ARHGAP26: variants seen among roughly 807,000 people sequenced by gnomAD.
The protein encoded by ARHGAP26 is rho GTPase-activating protein 26.
In ARHGAP26, 38 loss-of-function variants were observed where a neutral mutation model predicts 104.8. The observed-to-expected ratio is 0.36, with a 90% confidence interval of 0.28 to 0.48. The LOEUF is 0.48. Ranked by LOEUF, ARHGAP26 falls within the 20% of genes least tolerant of loss-of-function variation. ARHGAP26 has a pLI of 0.99. For synonymous variants in ARHGAP26, 341 were observed against 340.0 expected, an observed-to-expected ratio of 1.00 and a Z score of -0.03; for missense variants, 704 against 947.9, an observed-to-expected ratio of 0.74 and a Z score of 3.38.
At chr5:142,852,455 C>T (rs1328000126) in intron 1 of ARHGAP26, among the ~76,000 whole-genome samples, 3 of 152,330 alleles carry the variant, frequency 2.0e-5, no homozygotes, top group Middle Eastern at 6.8e-3. Flanking sequence ...TAAAACCATC[C>T]TTCTAACTCT....
intron 4 of ARHGAP26, among the ~76,000 whole-genome samples, chr5:142,884,286 C>T (rs989512953): frequency 2.6e-5 from 4 of 152,204 alleles, no homozygotes; most frequent in African/African-American, 9.7e-5. Flanking sequence ...CTGTCACTCT[C>T]CGTGACTTTT....
At chr5:142,780,050 A>G (rs1332299190) in intron 1 of ARHGAP26, among the ~76,000 whole-genome samples, 1 of 152,118 alleles carries the variant, frequency 6.6e-6, no homozygotes, top group Non-Finnish European at 1.5e-5. Flanking sequence ...GAGGCATTTT[A>G]TTGGTTTCTT....
chr5:142,806,554 C>T (rs1394562604), intron 1 of ARHGAP26, among the ~76,000 whole-genome samples: 1 of 151,998 alleles, frequency 6.6e-6, no homozygotes, highest in Non-Finnish European at 1.5e-5. Flanking sequence ...GGGACTACTT[C>T]TCCAAAGAAA....
chr5:142,963,485 T>G (rs187783604), intron 11 of ARHGAP26, among the ~76,000 whole-genome samples: 5 of 152,166 alleles, frequency 3.3e-5, no homozygotes, highest in Admixed American at 3.3e-4. Flanking sequence ...ATATAAGCAT[T>G]TTCTTTTCTC....
intron 1 of ARHGAP26, among the ~76,000 whole-genome samples, chr5:142,797,251 G>A (rs1401390465): frequency 6.6e-6 from 1 of 152,202 alleles, no homozygotes; most frequent in African/African-American, 2.4e-5. Flanking sequence ...ATGGGGAAAA[G>A]CTAGGACACT....
At chr5:143,050,765 A>C (rs540051903) in intron 14 of ARHGAP26, among the ~76,000 whole-genome samples, 23 of 152,228 alleles carry the variant, frequency 1.5e-4, no homozygotes, top group Non-Finnish European at 2.8e-4. Context: ...AAAAGATGAC[A>C]GGACCAGAAG....
intron 18 of ARHGAP26, among the ~76,000 whole-genome samples, chr5:143,126,894 A>C (rs1281859796): frequency 6.6e-6 from 1 of 152,196 alleles, no homozygotes; most frequent in African/African-American, 2.4e-5. Context: ...CTCCAAACTC[A>C]CACCTTATCA....
chr5:142,917,627 A>G (rs891522980), intron 10 of ARHGAP26, among the ~76,000 whole-genome samples: 2 of 152,228 alleles, frequency 1.3e-5, no homozygotes, highest in African/African-American at 4.8e-5. Flanking sequence ...GAGCACAGTG[A>G]CAGGCACATG....
chr5:142,796,020 C>A (rs549903611), intron 1 of ARHGAP26, among the ~76,000 whole-genome samples: 165 of 151,620 alleles, frequency 1.1e-3, no homozygotes, highest in African/African-American at 3.8e-3. Context: ...TTTTAACATG[C>A]TGTATAATTT....
chr5:142,932,327 T>C (rs1278861388), intron 11 of ARHGAP26, among the ~76,000 whole-genome samples: 1 of 152,238 alleles, frequency 6.6e-6, no homozygotes, highest in African/African-American at 2.4e-5. Flanking sequence ...CTTTGGCCTC[T>C]CTGTCCTAAG....
intron 1 of ARHGAP26, among the ~76,000 whole-genome samples, chr5:142,854,537 C>T (rs972406653): frequency 2.6e-5 from 4 of 152,142 alleles, no homozygotes; most frequent in African/African-American, 9.7e-5. Flanking sequence ...ATGGGTGAGC[C>T]TATTGCCAGA....
chr5:142,998,451 A>T (rs549395006), intron 11 of ARHGAP26, among the ~76,000 whole-genome samples: 1 of 152,240 alleles, frequency 6.6e-6, no homozygotes, highest in East Asian at 1.9e-4. Context: ...CACTCTGGGG[A>T]GGGGACCCTA....
chr5:143,095,866 C>T (rs1792226199), intron 17 of ARHGAP26, among the ~76,000 whole-genome samples: 1 of 152,248 alleles, frequency 6.6e-6, no homozygotes, highest in Non-Finnish European at 1.5e-5. Context: ...GCCACTGCTC[C>T]AGGCCTCATA....
At chr5:143,130,614 T>A (rs571452815) in intron 18 of ARHGAP26, among the ~76,000 whole-genome samples, 2 of 152,334 alleles carry the variant, frequency 1.3e-5, no homozygotes, top group Non-Finnish European at 2.9e-5. Flanking sequence ...TCTCTTGAAA[T>A]CATCCCTTCC....
At chr5:142,892,253 C>T (rs1758767128) in intron 5 of ARHGAP26, among the ~76,000 whole-genome samples, 1 of 151,884 alleles carries the variant, frequency 6.6e-6, no homozygotes, top group Admixed American at 6.5e-5. Flanking sequence ...ATTTCTTTTT[C>T]ACTGTAAGAA....
intron 6 of ARHGAP26, 120 bp from the exon 7 acceptor site, chr5:142,901,815 G>A: frequency 1.3e-6 from 1 of 771,112 alleles, no homozygotes; most frequent in East Asian, 2.7e-5. Context: ...CTCTTTAAAT[G>A]TCAGCCATTA....
chr5:143,011,140 T>C (rs1052311757), intron 11 of ARHGAP26, among the ~76,000 whole-genome samples: 9 of 152,136 alleles, frequency 5.9e-5, no homozygotes, highest in African/African-American at 9.7e-5. Context: ...ACTGGCCTTC[T>C]TCCTTCAAAT....
At chr5:142,786,925 A>G (rs892462681) in intron 1 of ARHGAP26, among the ~76,000 whole-genome samples, 2 of 152,168 alleles carry the variant, frequency 1.3e-5, no homozygotes, top group Non-Finnish European at 2.9e-5. Flanking sequence ...GATTACAGGC[A>G]TGAGCCACTG....
chr5:143,151,480 T>A (rs929671622), intron 20 of ARHGAP26, among the ~76,000 whole-genome samples: 4 of 152,234 alleles, frequency 2.6e-5, no homozygotes, highest in Non-Finnish European at 4.4e-5. Flanking sequence ...TGGATTTTGT[T>A]AGAAGCTTTA....
Sources: allele counts gnomAD v4.1 joint callset (sites outside exome capture counted in the v4.1 genomes callset), GRCh38; gene constraint gnomAD v4.1.1; transcripts MANE v1.5; gene names NCBI Gene and HGNC (gene_info 2026-07-23, HGNC 2026-07-21).